GRIA1: variants seen among roughly 807,000 people sequenced by gnomAD.
GRIA1 encodes glutamate ionotropic receptor AMPA type subunit 1, also known as glutamate receptor 1.
Under a neutral mutation model 99.2 loss-of-function variants are expected in GRIA1, and 31 were observed. That is an observed-to-expected ratio of 0.31 (90% CI 0.23 to 0.42). The LOEUF is 0.42. Ranked by LOEUF, GRIA1 falls within the 10% of genes least tolerant of loss-of-function variation. The probability of loss-of-function intolerance (pLI) is 1.00; values close to 1 mark genes in which losing one functional copy is unlikely to be tolerated. For missense variants in GRIA1, 782 were observed against 1,157.5 expected, an observed-to-expected ratio of 0.68 and a Z score of 4.71; for synonymous variants, 438 against 432.4, an observed-to-expected ratio of 1.01 and a Z score of -0.16.
intron 6 of GRIA1, 93 bp downstream of exon 6, chr5:153,674,754 GTT>G (rs1326489096): frequency 7.5e-7 from 1 of 1,332,414 alleles, no homozygotes; most frequent in Non-Finnish European, 1.0e-6. Context: ...AAAGGAATCA[GTT>G]TTCTAAAGCG....
chr5:153,792,249 C>G (rs1487417467), intron 13 of GRIA1, among the ~76,000 whole-genome samples: 1 of 152,162 alleles, frequency 6.6e-6, no homozygotes, highest in Non-Finnish European at 1.5e-5. Flanking sequence ...CGTACCTCAC[C>G]CATTGTGGGA....
intron 11 of GRIA1, among the ~76,000 whole-genome samples, chr5:153,734,119 G>T (rs944229529): frequency 1.3e-5 from 2 of 152,108 alleles, no homozygotes; most frequent in Non-Finnish European, 2.9e-5. Flanking sequence ...TCCCTTCTCT[G>T]CCCCATTTTC....
intron 11 of GRIA1, among the ~76,000 whole-genome samples, chr5:153,748,199 G>T (rs947109083): frequency 6.6e-6 from 1 of 152,094 alleles, no homozygotes; most frequent in Non-Finnish European, 1.5e-5. Flanking sequence ...AAAAAAATAA[G>T]AGAAAAGATG....
Position 153,593,585 on chromosome 5 carries a change from C to T in GRIA1, c.221-53343C>T, listed in dbSNP as rs561771038. On this transcript the variant is annotated intron_variant, in intron 2 of 15. Transcript: ENST00000285900. ...TGTTTTTTGTTTGTTTGCTTGCTTG[C>T]TTGCTTTGTTTATTTTATTCTGCAT... is the stretch of plus-strand genomic sequence containing the variant. 2.6e-5 allele frequency among the ~76,000 whole-genome samples: 4 copies of T among 152,246 alleles called. No individual in the cohort carries two copies. The South Asian group carries it at 8.3e-4, about 32-fold the overall frequency.
At chr5:153,770,082 C>A in intron 12 of GRIA1, 86 bp from the exon 13 acceptor site, 1 of 1,340,658 alleles carries the variant, frequency 7.5e-7, no homozygotes, top group African/African-American at 1.4e-5. Flanking sequence ...AATGTGTGAT[C>A]AAGCTACACT....
chr5:153,807,762 C>T (rs1766538337), intron 15 of GRIA1, among the ~76,000 whole-genome samples: 1 of 152,216 alleles, frequency 6.6e-6, no homozygotes, highest in African/African-American at 2.4e-5. Context: ...TCCCCTGCCC[C>T]TCCCCTCTGC....
intron 14 of GRIA1, among the ~76,000 whole-genome samples, chr5:153,799,230 A>T (rs745704130): frequency 6.6e-6 from 1 of 152,182 alleles, no homozygotes; most frequent in Non-Finnish European, 1.5e-5. Flanking sequence ...GTGAAATGTG[A>T]GTAGCTGTTT....
At position 153,698,853 on chromosome 5, in the gene GRIA1, C is replaced by T. The variant is rs766952072; in HGVS notation, c.1246-14C>T. On this transcript the variant is annotated splice_polypyrimidine_tract_variant and intron_variant, in intron 9 of 15. Transcript: ENST00000285900. ...CATAACCCACATTCTGCTATCTCCC[C>T]ATTTCTCTTCCAGGAAGATCCTTAT... 9 of 1,568,836 alleles carry T rather than the reference C, an allele frequency of 5.7e-6. No individual in the cohort carries two copies. The South Asian group carries it at 7.8e-5, about 14-fold the overall frequency.
At chr5:153,687,010 C>A (rs944482351) in intron 8 of GRIA1, among the ~76,000 whole-genome samples, 9 of 151,672 alleles carry the variant, frequency 5.9e-5, no homozygotes, top group Non-Finnish European at 1.2e-4. Flanking sequence ...AGCCTTCATA[C>A]ATGTTTCCTC....
At chr5:153,808,403 G>A (rs1048504909) in intron 15 of GRIA1, among the ~76,000 whole-genome samples, 1 of 151,434 alleles carries the variant, frequency 6.6e-6, no homozygotes. Context: ...GGAGTGGGGG[G>A]GAGTAGGAAG....
At chr5:153,541,577 C>T (rs28421461) in intron 2 of GRIA1, among the ~76,000 whole-genome samples, 18,813 of 152,168 alleles carry the variant, frequency 0.12, 1,227 homozygotes, top group Middle Eastern at 0.14. Flanking sequence ...GCCCCTTGCT[C>T]ATCATTAGTA....
intron 4 of GRIA1, among the ~76,000 whole-genome samples, chr5:153,653,379 G>C (rs1754713248): frequency 6.6e-6 from 1 of 152,190 alleles, no homozygotes; most frequent in South Asian, 2.1e-4. Context: ...GCGTCCACTG[G>C]AGAGGATGGC....
intron 2 of GRIA1, among the ~76,000 whole-genome samples, chr5:153,497,587 A>T (rs1358665271): frequency 6.6e-6 from 1 of 152,088 alleles, no homozygotes. Context: ...CTTAAAATTC[A>T]CTCAGGGAGC....
chr5:153,749,897 T>C (rs553593863), intron 11 of GRIA1, among the ~76,000 whole-genome samples: 1 of 152,106 alleles, frequency 6.6e-6, no homozygotes, highest in Non-Finnish European at 1.5e-5. Context: ...CTGCAAGTGC[T>C]AGAATAGTAC....
intron 2 of GRIA1, among the ~76,000 whole-genome samples, chr5:153,583,140 C>T (rs1412812746): frequency 1.3e-5 from 2 of 151,238 alleles, no homozygotes; most frequent in African/African-American, 4.8e-5. Context: ...GCCATGTTGC[C>T]CAGACTCATT....
chr5:153,513,289 C>T (rs1235098279), intron 2 of GRIA1, among the ~76,000 whole-genome samples: 1 of 152,126 alleles, frequency 6.6e-6, no homozygotes, highest in East Asian at 1.9e-4. Context: ...GGGATTTTGA[C>T]AGTTCTGCTG....
chr5:153,809,316 T>A (rs1043017177), intron 15 of GRIA1, among the ~76,000 whole-genome samples: 4 of 152,208 alleles, frequency 2.6e-5, no homozygotes, highest in African/African-American at 9.6e-5. Flanking sequence ...CAGGTCACAC[T>A]TTTTCTTCAA....
intron 12 of GRIA1, among the ~76,000 whole-genome samples, chr5:153,766,520 T>A (rs1763528287): frequency 6.6e-6 from 1 of 152,158 alleles, no homozygotes; most frequent in South Asian, 2.1e-4. Flanking sequence ...GCAGAAGAGG[T>A]ATTTGTGGCA....
intron 2 of GRIA1, among the ~76,000 whole-genome samples, chr5:153,524,860 A>G (rs1445590957): frequency 6.6e-6 from 1 of 152,258 alleles, no homozygotes; most frequent in Non-Finnish European, 1.5e-5. Context: ...AGGTCTCTGT[A>G]GGAAATATTG....
Sources: gnomAD v4.1 joint callset for allele counts (sites outside exome capture counted in the v4.1 genomes callset) on GRCh38, gnomAD v4.1.1 for gene constraint, MANE v1.5 for transcripts, NCBI Gene and HGNC (gene_info 2026-07-23, HGNC 2026-07-21) for gene names.